The following ANKRD44 variants were observed in gnomAD, a reference collection of about 807,000 sequenced individuals.
ANKRD44 encodes serine/threonine-protein phosphatase 6 regulatory ankyrin repeat subunit B.
Under a neutral mutation model 116.0 loss-of-function variants are expected in ANKRD44, and 35 were observed. That is an observed-to-expected ratio of 0.30 (90% CI 0.23 to 0.40). The LOEUF (loss-of-function observed/expected upper bound fraction) is 0.40, where lower values mean the gene tolerates loss of function less well. Ranked by LOEUF, ANKRD44 falls within the 10% of genes least tolerant of loss-of-function variation. ANKRD44 has a pLI of 1.00. For missense variants in ANKRD44, 1,014 were observed against 1,242.6 expected (o/e 0.82, Z 2.77); for synonymous variants, 435 against 461.8 (o/e 0.94, Z 0.74).
intron 14 of ANKRD44, 64 bp from the exon 15 acceptor site, chr2:197,081,789 T>C: frequency 7.6e-7 from 1 of 1,312,018 alleles, no homozygotes; most frequent in Non-Finnish European, 1.1e-6. Flanking sequence ...AAGCTGTTAA[T>C]GGTTTTGGTG....
chr2:197,031,257 A>C (rs970580254), intron 16 of ANKRD44, among the ~76,000 whole-genome samples: 1 of 152,206 alleles, frequency 6.6e-6, no homozygotes, highest in Non-Finnish European at 1.5e-5. Flanking sequence ...ACAAAGTTTA[A>C]CACAATAACC....
intron 16 of ANKRD44, among the ~76,000 whole-genome samples, chr2:197,034,603 A>G (rs1010274924): frequency 6.6e-6 from 1 of 151,568 alleles, no homozygotes; most frequent in South Asian, 2.1e-4. Flanking sequence ...CGGACTACCT[A>G]ATCTTATTTT....
At chr2:196,986,347 C>T (rs529886544), downstream of ANKRD44, among the ~76,000 whole-genome samples, 25 of 149,706 alleles carry the variant, frequency 1.7e-4, no homozygotes, top group Middle Eastern at 3.4e-3. Context: ...CCCAGGAGGT[C>T]GAGGCTGCAG....
At chr2:197,033,312 G>A (rs1473322305) in intron 16 of ANKRD44, among the ~76,000 whole-genome samples, 1 of 152,176 alleles carries the variant, frequency 6.6e-6, no homozygotes, top group African/African-American at 2.4e-5. Flanking sequence ...TGGTGGTGGT[G>A]ATGGTAATGA....
At chr2:197,125,598 A>G in intron 5 of ANKRD44, 130 bp from the exon 6 acceptor site, 1 of 958,220 alleles carries the variant, frequency 1.0e-6, no homozygotes, top group South Asian at 1.4e-5. Flanking sequence ...GTTCTGACAA[A>G]GTAGAAATAT....
At chr2:197,003,153 CAA>C (rs112739121) in intron 21 of ANKRD44, among the ~76,000 whole-genome samples, 5 of 139,112 alleles carry the variant, frequency 3.6e-5, no homozygotes, top group Non-Finnish European at 3.2e-5. Context: ...CTAAAAATAC[CAA>C]AAAAAAAAAA....
intron 16 of ANKRD44, among the ~76,000 whole-genome samples, chr2:197,029,095 C>T (rs958751362): frequency 6.6e-6 from 1 of 151,866 alleles, no homozygotes. Flanking sequence ...TCGTCATTTA[C>T]ATTAGGTATA....
intron 1 of ANKRD44, among the ~76,000 whole-genome samples, chr2:197,204,558 T>C (rs77518768): frequency 0.034 from 5,170 of 152,196 alleles, 94 homozygotes; most frequent in Non-Finnish European, 0.051. Context: ...TCTGGAGAAT[T>C]TATGTCCTGT....
rs60306279 is a variant in ANKRD44, at chr2:197,072,046, AGAAGGAAGGAAGGAAGGAAGGAAG to A, written c.1650+6633_1650+6656del. ...AGGGAGGGAGGGATGGAGGGAGGAA[AGAAGGAAGGAAGGAAGGAAGGAAG>A]GAAGGAAGGAAGGAAGGAAGGAAGG... is the stretch of plus-strand genomic sequence containing the variant. On this transcript the variant is annotated intron_variant, in intron 16 of 27. Transcript: ENST00000282272. Among the ~76,000 whole-genome samples the A allele has an allele frequency of 1.4e-3, 153 of 111,300 alleles. 1 individual carries two copies. Among genetic ancestry groups the A allele is most frequent in the Middle Eastern group, 0.013 (3 of 238 alleles). The allele number at this position is 111,300 out of a possible 152,430, so 73.0% of individuals were successfully genotyped here.
At chr2:197,004,952 T>C (rs765894769) in intron 21 of ANKRD44, among the ~76,000 whole-genome samples, 3 of 152,142 alleles carry the variant, frequency 2.0e-5, no homozygotes, top group Non-Finnish European at 4.4e-5. Flanking sequence ...TTGATACATA[T>C]TGACTTGTAA....
In ANKRD44 at chr2:197,281,301, C is replaced by T. The variant is rs562448475; in HGVS notation, c.27+29277G>A. Among the ~76,000 whole-genome samples the T allele has an allele frequency of 5.9e-5, 9 of 152,176 alleles. No individual in the cohort carries two copies. In the East Asian group the frequency reaches 1.5e-3, roughly 26 times the overall value. On this transcript the variant is annotated intron_variant, in intron 1 of 27. Transcript: ENST00000282272. ...ATAGATATTTCAATATTGTAAATTC[C>T]ATTAAGGCATCCTGCTCCCCACCTC...
chr2:197,239,692 T>C (rs2082049920), intron 1 of ANKRD44, among the ~76,000 whole-genome samples: 2 of 152,264 alleles, frequency 1.3e-5, no homozygotes, highest in South Asian at 4.1e-4. Context: ...GTTTTCTATC[T>C]TGATAAATTT....
chr2:197,103,670 A>G (rs1489062539), intron 9 of ANKRD44, among the ~76,000 whole-genome samples: 1 of 152,196 alleles, frequency 6.6e-6, no homozygotes, highest in Non-Finnish European at 1.5e-5. Flanking sequence ...ATTTCTTTTA[A>G]GTACCTTATT....
At chr2:197,209,963 G>A (rs1333664052) in intron 1 of ANKRD44, among the ~76,000 whole-genome samples, 2 of 152,186 alleles carry the variant, frequency 1.3e-5, no homozygotes, top group Admixed American at 6.5e-5. Context: ...GGGAATATGG[G>A]CAAAGCCAGG....
chr2:197,072,440 T>C (rs970345388), intron 16 of ANKRD44, among the ~76,000 whole-genome samples: 7 of 152,222 alleles, frequency 4.6e-5, no homozygotes, highest in African/African-American at 1.7e-4. Context: ...GAGCTGGTAT[T>C]GGAAAGTAAT....
chr2:197,178,584 G>T (rs1180607575), intron 2 of ANKRD44, among the ~76,000 whole-genome samples: 1 of 151,998 alleles, frequency 6.6e-6, no homozygotes, highest in Admixed American at 6.6e-5. Context: ...ATAAAGAAAT[G>T]GGCAAAGGAC....
intron 2 of ANKRD44, among the ~76,000 whole-genome samples, chr2:197,149,144 A>G (rs947005060): frequency 4.6e-5 from 7 of 152,214 alleles, no homozygotes; most frequent in African/African-American, 1.7e-4. Flanking sequence ...GATAAAAGCT[A>G]TGTAATTACA....
intron 10 of ANKRD44, among the ~76,000 whole-genome samples, chr2:197,097,681 C>G (rs932749298): frequency 6.6e-6 from 1 of 152,208 alleles, no homozygotes; most frequent in Non-Finnish European, 1.5e-5. Context: ...CAAGAGGCTG[C>G]CAAGTGTTTG....
chr2:197,130,006 A>G (rs1354509108), intron 4 of ANKRD44, among the ~76,000 whole-genome samples: 1 of 152,196 alleles, frequency 6.6e-6, no homozygotes, highest in African/African-American at 2.4e-5. Context: ...TATATTCAAT[A>G]AATTTGGGTA....
Sources: allele counts gnomAD v4.1 joint callset (sites outside exome capture counted in the v4.1 genomes callset), GRCh38; gene constraint gnomAD v4.1.1; transcripts MANE v1.5; gene names NCBI Gene and HGNC (gene_info 2026-07-23, HGNC 2026-07-21).